The following EXOC4 variants were observed in gnomAD, a reference collection of about 807,000 sequenced individuals.
EXOC4 encodes the protein exocyst complex component 4.
In EXOC4, 71 loss-of-function variants were observed where a neutral mutation model predicts 107.2. That is an observed-to-expected ratio of 0.66 (90% CI 0.55 to 0.81). The LOEUF (loss-of-function observed/expected upper bound fraction) is 0.81. Ranked by LOEUF, EXOC4 falls within the 30% of genes least tolerant of loss-of-function variation. The pLI, the probability that EXOC4 is intolerant of heterozygous loss-of-function variation, is 0.00. For synonymous variants in EXOC4, 456 were observed against 441.2 expected (o/e 1.03, Z -0.42); for missense variants, 1,108 against 1,189.6 (o/e 0.93, Z 1.01).
intron 11 of EXOC4, among the ~76,000 whole-genome samples, chr7:133,823,864 TATATATATTATATATA>T (rs1314122770): frequency 0.036 from 898 of 24,754 alleles, 49 homozygotes; most frequent in Non-Finnish European, 0.049. Context: ...TATATATATA[TATATATATTATATATA>T]TATATATATA....
chr7:133,711,217 A>G (rs1478075786), intron 10 of EXOC4, among the ~76,000 whole-genome samples: 1 of 152,208 alleles, frequency 6.6e-6, no homozygotes, highest in Non-Finnish European at 1.5e-5. Flanking sequence ...GTTTTACTGT[A>G]TGATATTGAT....
intron 7 of EXOC4, among the ~76,000 whole-genome samples, chr7:133,466,573 A>T (rs992658932): frequency 2.6e-5 from 4 of 152,198 alleles, no homozygotes; most frequent in African/African-American, 9.6e-5. Context: ...TTTCCTGCAC[A>T]TACATAATTC....
intron 11 of EXOC4, among the ~76,000 whole-genome samples, chr7:133,861,611 T>C (rs1798535005): frequency 1.3e-5 from 2 of 152,106 alleles, no homozygotes; most frequent in African/African-American, 2.4e-5. Flanking sequence ...CTCGGCTCAC[T>C]GCAACCTCTG....
At chr7:133,656,387 G>C (rs73726942) in intron 10 of EXOC4, among the ~76,000 whole-genome samples, 1 of 123,412 alleles carries the variant, frequency 8.1e-6, no homozygotes, top group African/African-American at 3.4e-5. Flanking sequence ...ATGTATGTAT[G>C]TATGTATATC....
chr7:133,862,493 GA>G (rs141696187), intron 11 of EXOC4, among the ~76,000 whole-genome samples: 2,394 of 150,406 alleles, frequency 0.016, 60 homozygotes, highest in African/African-American at 0.055. Context: ...AGGGGGCGGG[GA>G]AAAAAAAAGA....
At chr7:133,728,077 T>G (rs1795252935) in intron 10 of EXOC4, among the ~76,000 whole-genome samples, 1 of 152,188 alleles carries the variant, frequency 6.6e-6, no homozygotes, top group Admixed American at 6.5e-5. Context: ...TACCCCAAAT[T>G]GCCACTTTTC....
intron 5 of EXOC4, among the ~76,000 whole-genome samples, chr7:133,325,304 A>C (rs1248248075): frequency 1.3e-5 from 2 of 152,126 alleles, no homozygotes; most frequent in South Asian, 2.1e-4. Flanking sequence ...GCTTCCTAGC[A>C]TTGATGGTCT....
rs73440860 is a variant in EXOC4, at chr7:133,953,095, A to G, written c.2206+15026A>G. On this transcript the variant is annotated intron_variant, in intron 14 of 17. Transcript: ENST00000253861. The stretch of plus-strand genomic sequence containing the variant: ...TCTTCTCAACTCTCTGATTGCTTAT[A>G]TAAGTGACGTCTTCTGAAGGAAAGT... Among the ~76,000 whole-genome samples the G allele has an allele frequency of 4.2e-3, 640 of 152,316 alleles. 6 individuals carry two copies. Among genetic ancestry groups the G allele is most frequent in the African/African-American group, 0.015 (620 of 41,572 alleles).
intron 14 of EXOC4, 50 bp downstream of exon 14, chr7:133,938,119 G>A (rs1307114595): frequency 7.0e-6 from 11 of 1,574,968 alleles, no homozygotes; most frequent in Non-Finnish European, 7.8e-6. Context: ...GAACTAGACT[G>A]AATGCATTCA....
intron 7 of EXOC4, among the ~76,000 whole-genome samples, chr7:133,409,302 T>A (rs994545185): frequency 2.0e-5 from 3 of 152,200 alleles, no homozygotes; most frequent in African/African-American, 7.2e-5. Context: ...CTTAATTCAT[T>A]GCCATTATGG....
chr7:134,029,377 T>C (rs1428129878), intron 17 of EXOC4, among the ~76,000 whole-genome samples: 1 of 152,128 alleles, frequency 6.6e-6, no homozygotes, highest in African/African-American at 2.4e-5. Context: ...AGGTCCAGAA[T>C]AGGGAAATCT....
chr7:133,488,623 A>C (rs377374460), intron 9 of EXOC4, among the ~76,000 whole-genome samples: 2 of 152,328 alleles, frequency 1.3e-5, no homozygotes, highest in East Asian at 3.9e-4. Context: ...TGTACCTCAT[A>C]TCATTTAGGG....
At chr7:133,404,123 C>G (rs997494504) in intron 7 of EXOC4, among the ~76,000 whole-genome samples, 1 of 152,138 alleles carries the variant, frequency 6.6e-6, no homozygotes, top group Non-Finnish European at 1.5e-5. Flanking sequence ...TTGTTTGATA[C>G]AGAGTCTTCT....
At chr7:133,546,076 A>T (rs1800474838) in intron 9 of EXOC4, among the ~76,000 whole-genome samples, 1 of 152,114 alleles carries the variant, frequency 6.6e-6, no homozygotes, top group African/African-American at 2.4e-5. Flanking sequence ...ATGTAGCCTG[A>T]TATCACTCTA....
intron 10 of EXOC4, among the ~76,000 whole-genome samples, chr7:133,660,525 G>A (rs944815335): frequency 2.0e-5 from 3 of 152,100 alleles, no homozygotes; most frequent in African/African-American, 7.2e-5. Context: ...AACGTGTCTT[G>A]TTTTTGTTTT....
At chr7:133,911,734 C>A (rs565899503) in intron 12 of EXOC4, among the ~76,000 whole-genome samples, 1 of 152,176 alleles carries the variant, frequency 6.6e-6, no homozygotes, top group African/African-American at 2.4e-5. Flanking sequence ...ACCTACAGAT[C>A]CAACTATTTC....
chr7:133,354,279 C>T (rs958962357), intron 5 of EXOC4, among the ~76,000 whole-genome samples: 19 of 151,840 alleles, frequency 1.3e-4, no homozygotes, highest in African/African-American at 4.6e-4. Flanking sequence ...TCACATTCTC[C>T]CTCTTTTCCC....
At chr7:133,543,381 C>A (rs973873888) in intron 9 of EXOC4, among the ~76,000 whole-genome samples, 3 of 151,992 alleles carry the variant, frequency 2.0e-5, no homozygotes, top group African/African-American at 7.3e-5. Flanking sequence ...AGTGTTGAGT[C>A]TCAGAGGAGT....
At chr7:133,854,289 C>G (rs573833390) in intron 11 of EXOC4, among the ~76,000 whole-genome samples, 25 of 152,174 alleles carry the variant, frequency 1.6e-4, no homozygotes, top group Middle Eastern at 3.4e-3. Flanking sequence ...GATGGAGGGC[C>G]ATACCTTCGA....
Sources: gnomAD v4.1 joint callset for allele counts (sites outside exome capture counted in the v4.1 genomes callset) on GRCh38, gnomAD v4.1.1 for gene constraint, MANE v1.5 for transcripts, NCBI Gene and HGNC (gene_info 2026-07-23, HGNC 2026-07-21) for gene names.